STAG2: variants seen among roughly 807,000 people sequenced by gnomAD.
STAG2 encodes cohesin subunit SA-2.
Under a neutral mutation model 108.1 loss-of-function variants are expected in STAG2, and 14 were observed. That is an observed-to-expected ratio of 0.13 (90% CI 0.09 to 0.20). The LOEUF is 0.20. STAG2 is among the 10% of genes least tolerant of loss of function. The pLI is 1.00. For synonymous variants in STAG2, 307 were observed against 302.7 expected (o/e 1.01, Z -0.15); for missense variants, 440 against 940.9 (o/e 0.47, Z 6.96).
chrX:124,027,683 C>A (rs1381491372), intron 4 of STAG2, among the ~76,000 whole-genome samples: 1 of 111,669 alleles, frequency 9.0e-6, no homozygotes, highest in East Asian at 2.8e-4. Context: ...CTAACAATTT[C>A]ACATGTTAAT....
At chrX:123,964,823 T>C (rs1034854243) in intron 1 of STAG2, among the ~76,000 whole-genome samples, 1 of 110,586 alleles carries the variant, frequency 9.0e-6, no homozygotes, top group Non-Finnish European at 1.9e-5. Flanking sequence ...GAAGTTGATA[T>C]GTAAAATATT....
chrX:124,050,192 G>A lies in STAG2; in HGVS notation c.900G>A (p.Ala300=), dbSNP rs757136748. ...TTTTCCTTCCCCCATTCAGTGATGC[G>A]ATAGCTGAAATTCGAGCTATTTGCA... ...KGVFVHRYRD[A]IAEIRAICIE... Residue 300 remains alanine, a synonymous_variant, in exon 11 of 35, where the codon GCG becomes GCA. Coordinates refer to ENST00000371145, the MANE Select transcript of STAG2 (RefSeq NM_001042750.2). The A allele has an allele frequency of 5.8e-6, 7 of 1,208,894 alleles. No individual in the cohort carries two copies. Among genetic ancestry groups the A allele is most frequent in the Middle Eastern group, 2.3e-4 (1 of 4,335 alleles).
intron 13 of STAG2, among the ~76,000 whole-genome samples, chrX:124,055,767 T>TTTC (rs2148263308): frequency 8.9e-6 from 1 of 111,990 alleles, no homozygotes; most frequent in East Asian, 2.8e-4. Flanking sequence ...TACTATGAAA[T>TTTC]ATAAGGAAAG....
chrX:124,064,578 G>T (rs1379630556), intron 20 of STAG2, among the ~76,000 whole-genome samples: 1 of 109,381 alleles, frequency 9.1e-6, no homozygotes, highest in African/African-American at 3.3e-5. Flanking sequence ...TGAGTAGCTG[G>T]GACTATAGGC....
At position 124,100,885 on chromosome X, in the gene STAG2, A is replaced by T. The variant is rs1261875330; in HGVS notation, c.*288A>T. ...ATCGATTATTTCATGCTTTTTTTTA[A>T]AAAAAAAAAAAAACAAAATAACAAT... is the stretch of plus-strand genomic sequence containing the variant. On this transcript the variant is annotated 3_prime_UTR_variant, in exon 35 of 35. Transcript: ENST00000371145. The T allele has an allele frequency of 9.0e-4, 126 of 140,207 alleles. No individual in the cohort carries two copies. The highest frequency in any genetic ancestry group is 3.0e-3 in the Admixed American group (26 of 8,556). The allele number at this position is 140,207 out of a possible 1,213,427, so 11.6% of individuals were successfully genotyped here.
intron 1 of STAG2, among the ~76,000 whole-genome samples, chrX:123,963,854 T>C (rs1209662921): frequency 8.9e-6 from 1 of 111,869 alleles, no homozygotes; most frequent in Admixed American, 9.5e-5. Context: ...TATAGTTACA[T>C]TGTTGGATTT....
At chrX:124,084,139 A>G (rs1228908799) in intron 29 of STAG2, among the ~76,000 whole-genome samples, 1 of 111,927 alleles carries the variant, frequency 8.9e-6, no homozygotes, top group Non-Finnish European at 1.9e-5. Flanking sequence ...GAGGTGTAAA[A>G]GGGCAGAAGC....
chrX:123,964,169 A>C (rs2053992281), intron 1 of STAG2, among the ~76,000 whole-genome samples: 1 of 110,275 alleles, frequency 9.1e-6, no homozygotes, highest in Admixed American at 9.7e-5. Context: ...TAATGACTTA[A>C]GTTTATATTT....
intron 11 of STAG2, 76 bp downstream of exon 11, chrX:124,050,385 C>G: frequency 9.6e-7 from 1 of 1,043,825 alleles, no homozygotes; most frequent in Non-Finnish European, 1.3e-6. Context: ...TGAGTTATCT[C>G]CCAGTATGTA....
intron 34 of STAG2, chrX:124,097,740 C>T (rs1261661759): frequency 1.6e-5 from 5 of 322,358 alleles, no homozygotes; most frequent in African/African-American, 2.6e-5. Flanking sequence ...CTGAAGAGAT[C>T]ATTTAGTGAC....
intron 34 of STAG2, among the ~76,000 whole-genome samples, chrX:124,096,196 C>T (rs765316133): frequency 2.2e-4 from 24 of 110,687 alleles, no homozygotes; most frequent in Non-Finnish European, 4.2e-4. Context: ...CCCCCATTGC[C>T]ATTAGGAAGA....
chrX:124,085,560 G>C (rs756070120), intron 29 of STAG2, among the ~76,000 whole-genome samples: 1 of 110,105 alleles, frequency 9.1e-6, no homozygotes, highest in Non-Finnish European at 1.9e-5. Flanking sequence ...AGGTCAAGGC[G>C]GGCAGAGAGT....
chrX:124,051,585 C>CT (rs1051996911), intron 13 of STAG2, among the ~76,000 whole-genome samples, 191 bp downstream of exon 13: 17 of 105,375 alleles, frequency 1.6e-4, no homozygotes, highest in Middle Eastern at 4.5e-3. Context: ...TATGGAAATT[C>CT]TTTTTTTTTT....
In STAG2 at chrX:124,078,077, A is replaced by C. The variant is rs1222436021; in HGVS notation, c.2775+19A>C. On this transcript the variant is annotated intron_variant, in intron 27 of 34. Transcript: ENST00000371145. ...GCAACAGGTAAGCATTAAGAGTACC[A>C]ACTTTAGCTAACACAATTAACACCT... 1 of 1,074,526 alleles carries C rather than the reference A, an allele frequency of 9.3e-7. No individual in the cohort carries two copies. The highest frequency in any genetic ancestry group is 1.3e-6 in the Non-Finnish European group (1 of 784,324). The allele number at this position is 1,074,526 out of a possible 1,213,427, so 88.6% of individuals were successfully genotyped here.
Position 124,066,445 on chromosome X carries a change from T to C in STAG2, c.2265+9T>C, listed in dbSNP as rs2058531730. On this transcript the variant is annotated intron_variant, in intron 23 of 34. Coordinates refer to ENST00000371145, the MANE Select transcript of STAG2 (RefSeq NM_001042750.2). The stretch of plus-strand genomic sequence containing the variant: ...AAAGCAGCTCTACAAAGGTTTGTGG[T>C]GGTTCAGTAGTGTTTTTATTAGACT... 2.3e-5 allele frequency: 27 copies of C among 1,176,357 alleles called. No homozygotes were observed. The highest frequency in any genetic ancestry group is 3.1e-5 in the Non-Finnish European group (27 of 866,992).
chrX:124,044,160 C>T (rs1424471380), intron 7 of STAG2, among the ~76,000 whole-genome samples: 6 of 110,838 alleles, frequency 5.4e-5, no homozygotes, highest in African/African-American at 1.6e-4. Flanking sequence ...ATTTTTTACC[C>T]TTTTAATATT....
chrX:124,037,553 A>C lies in STAG2; in HGVS notation c.315A>C (p.Ser105=). The C allele has an allele frequency of 8.4e-7, 1 of 1,190,830 alleles. No homozygotes were observed. The highest frequency in any genetic ancestry group is 3.1e-5 in the East Asian group (1 of 32,742). Residue 105 remains serine (S), a synonymous_variant, in exon 6 of 35, where the codon TCA becomes TCC. Coordinates refer to ENST00000371145, the MANE Select transcript of STAG2 (RefSeq NM_001042750.2). ...MQSVVDDWIE[S]YKHDRDIALL... is the part of the protein sequence containing the mutation. ...CGGTGGTAGATGATTGGATAGAATC[A>C]TACAAGCATGACCGAGATATAGCAC... is the stretch of plus-strand genomic sequence containing the variant.
chrX:124,085,767 G>C (rs142041750), intron 29 of STAG2, among the ~76,000 whole-genome samples: 454 of 44,394 alleles, frequency 0.01, 4 homozygotes, highest in African/African-American at 0.03. Flanking sequence ...GAGTGAGACT[G>C]TGTCTCAAAA....
intron 1 of STAG2, among the ~76,000 whole-genome samples, chrX:123,975,025 G>A (rs2054555734): frequency 9.0e-6 from 1 of 111,608 alleles, no homozygotes; most frequent in South Asian, 3.7e-4. Context: ...CCTTTCAAAA[G>A]CAAGGGTAAT....
Sources: allele counts gnomAD v4.1 joint callset (sites outside exome capture counted in the v4.1 genomes callset), GRCh38; gene constraint gnomAD v4.1.1; transcripts MANE v1.5; gene names NCBI Gene and HGNC (gene_info 2026-07-23, HGNC 2026-07-21).